Variants in UBAP2L observed in about 807,000 individuals in gnomAD.
UBAP2L encodes the protein ubiquitin associated protein 2 like, also known as ubiquitin-associated protein 2-like.
Under a neutral mutation model 130.6 loss-of-function variants are expected in UBAP2L, and 12 were observed. That is an observed-to-expected ratio of 0.09 (90% CI 0.06 to 0.15). The LOEUF (loss-of-function observed/expected upper bound fraction) is 0.15. Ranked by LOEUF, UBAP2L falls within the 10% of genes least tolerant of loss-of-function variation. The pLI is 1.00. For synonymous variants in UBAP2L, 503 were observed against 524.7 expected (o/e 0.96, Z 0.57); for missense variants, 965 against 1,332.5 (o/e 0.72, Z 4.29).
chr1:154,243,393 A>G (rs1437356368), intron 10 of UBAP2L, 91 bp downstream of exon 10: 46 of 1,080,598 alleles, frequency 4.3e-5, no homozygotes, highest in Non-Finnish European at 5.7e-5. Flanking sequence ...GTAAACTCCC[A>G]TGGTGTCAAT....
rs1377166607 is a variant in UBAP2L, at chr1:154,236,602, A to G, written c.581A>G (p.Gln194Arg). The G allele has an allele frequency of 6.2e-7, 1 of 1,614,078 alleles. No homozygotes were observed. Among genetic ancestry groups the G allele is most frequent in the Non-Finnish European group, 8.5e-7 (1 of 1,180,000 alleles). The stretch of plus-strand genomic sequence containing the variant: ...AGGCGAGGAGGAAGGTTTTCTGCTC[A>G]AGGAATGGGGTAAGTTTCATTGATC... ...SGRRGGRFSA[Q>R]GMGTFNPADY... The change falls in exon 7 of 27, where the codon CAA becomes CGA. Residue 194 changes from glutamine (Q) to arginine (R), a missense_variant. Gln to Arg is a conservative substitution (Grantham distance 43, BLOSUM62 1). Around this residue, in one of 9 missense-constraint regions of UBAP2L, gnomAD observed 109 missense variants for 146.6 expected, o/e 0.74. Transcript: ENST00000428931.
intron 26 of UBAP2L, chr1:154,269,239 A>G: frequency 9.8e-7 from 1 of 1,023,752 alleles, no homozygotes; most frequent in Non-Finnish European, 1.5e-6. Flanking sequence ...CCTGGGTCAC[A>G]CCTTCCCTCT....
chr1:154,233,513 C>CTAATATGCTAAGT (rs1558134594), intron 4 of UBAP2L, among the ~76,000 whole-genome samples: 1 of 151,282 alleles, frequency 6.6e-6, no homozygotes, highest in African/African-American at 2.5e-5. Flanking sequence ...TTAGTAGAGA[C>CTAATATGCTAAGT]GGGGTTTCAC....
At chr1:154,222,620 T>C (rs1338762392) in intron 1 of UBAP2L, among the ~76,000 whole-genome samples, 1 of 152,228 alleles carries the variant, frequency 6.6e-6, no homozygotes, top group Non-Finnish European at 1.5e-5. Context: ...GCAGGGGCCA[T>C]TTCAACAAAG....
intron 26 of UBAP2L, 89 bp from the exon 27 acceptor site, chr1:154,270,111 G>A: frequency 3.4e-6 from 5 of 1,466,776 alleles, no homozygotes; most frequent in Non-Finnish European, 4.6e-6. Flanking sequence ...GAGCAAGACA[G>A]TTTGCACATC....
chr1:154,269,456 A>G, intron 26 of UBAP2L: 1 of 1,297,028 alleles, frequency 7.7e-7, no homozygotes, highest in Non-Finnish European at 1.0e-6. Context: ...ACTCCTTTTC[A>G]GTCCCCATTT....
At chr1:154,263,173 T>G in intron 24 of UBAP2L, 1 of 1,551,540 alleles carries the variant, frequency 6.4e-7, no homozygotes, top group African/African-American at 1.4e-5. Context: ...GGCTGGGGGC[T>G]GTGTTTTGTG....
intron 24 of UBAP2L, 23 bp downstream of exon 24, chr1:154,261,720 T>G (rs1681593044): frequency 6.2e-7 from 1 of 1,608,704 alleles, no homozygotes; most frequent in South Asian, 1.1e-5. Flanking sequence ...TGTCTCTGGC[T>G]CGGTGTTATC....
intron 2 of UBAP2L, among the ~76,000 whole-genome samples, chr1:154,226,198 C>G (rs1667884564): frequency 6.6e-6 from 1 of 152,200 alleles, no homozygotes; most frequent in African/African-American, 2.4e-5. Context: ...TTTTATTTTC[C>G]TCTCTGGTTC....
At position 154,261,001 on chromosome 1, in the gene UBAP2L, A is replaced by G. The variant is rs1681372522; in HGVS notation, c.2688A>G (p.Thr896=). ...QTQTHHTTQQ[T]FLNPALPPGY... ...AGACTCACCATACCACGCAGCAGAC[A>G]TTCCTGAACCCGGCGCTGCCTCCTG... The change falls in exon 23 of 27, where the codon ACA becomes ACG. Residue 896 remains threonine, a synonymous_variant. Coordinates refer to ENST00000428931, the MANE Select transcript of UBAP2L (RefSeq NM_014847.4). 2 of 1,614,076 alleles carry G rather than the reference A, an allele frequency of 1.2e-6. No individual in the cohort carries two copies. The highest frequency in any genetic ancestry group is 1.1e-5 in the South Asian group (1 of 91,092).
upstream of UBAP2L, chr1:154,220,498 C>G: frequency 7.1e-7 from 1 of 1,417,878 alleles, no homozygotes; most frequent in Non-Finnish European, 1.0e-6. Context: ...CGCCTGGGTC[C>G]CCTGGAGCTC....
intron 24 of UBAP2L, among the ~76,000 whole-genome samples, 157 bp downstream of exon 24, chr1:154,261,854 G>T (rs1681654391): frequency 6.6e-6 from 1 of 152,168 alleles, no homozygotes; most frequent in Non-Finnish European, 1.5e-5. Context: ...GTATCTGTGG[G>T]AGCAGCACCA....
chr1:154,246,215 C>T lies in UBAP2L; in HGVS notation c.854C>T (p.Ala285Val). 6.2e-7 allele frequency: 1 copy of T among 1,609,666 alleles called. No individual in the cohort carries two copies. Among genetic ancestry groups the T allele is most frequent in the Non-Finnish European group, 8.5e-7 (1 of 1,176,874 alleles). Reference sequence around the variant, plus strand: ...CCCTTCCCCATTAGAATTGACCTTGCTGTTCTGCTGGGGAAGACACCATCT... The same window carrying T: ...CCCTTCCCCATTAGAATTGACCTTGTTGTTCTGCTGGGGAAGACACCATCT... ...TITAGQRIDL[A>V]VLLGKTPSTM... Residue 285 changes from alanine to valine, a missense_variant, in exon 11 of 27, where the codon GCT (alanine) becomes GTT (valine). Physicochemically the swap from Ala to Val is moderately conservative, Grantham distance 64. This residue lies in a region of UBAP2L where 99 missense variants were observed against 106.4 expected (regional missense o/e 0.93). Transcript: ENST00000428931.
At chr1:154,240,864 C>T (rs1673292358) in intron 8 of UBAP2L, among the ~76,000 whole-genome samples, 1 of 151,488 alleles carries the variant, frequency 6.6e-6, no homozygotes, top group African/African-American at 2.4e-5. Flanking sequence ...TGCCATTTCA[C>T]TGAATTGACC....
chr1:154,250,047 T>C (rs1245129996), intron 12 of UBAP2L, among the ~76,000 whole-genome samples: 1 of 152,128 alleles, frequency 6.6e-6, no homozygotes, highest in African/African-American at 2.4e-5. Context: ...CTTCACTTAA[T>C]GTCATTGATA....
chr1:154,253,473 C>T (rs577260160), intron 14 of UBAP2L, among the ~76,000 whole-genome samples: 1 of 150,788 alleles, frequency 6.6e-6, no homozygotes, highest in Admixed American at 6.6e-5. Flanking sequence ...CAAGCTGCGC[C>T]TCCCGGGTTC....
Position 154,255,149 on chromosome 1 carries a change from T to C in UBAP2L, c.1910-3T>C, listed in dbSNP as rs771555204. The C allele has an allele frequency of 5.0e-6, 8 of 1,613,770 alleles. No homozygotes were observed. The South Asian group carries it at 5.5e-5, about 11-fold the overall frequency. ...GAGGAATTCCTTTCTTCTAAATTTC[T>C]AGGTGCTACAGGCTCTGCAGTGAAA... On this transcript the variant is annotated splice_region_variant and splice_polypyrimidine_tract_variant and intron_variant, in intron 16 of 26. Coordinates refer to ENST00000428931, the MANE Select transcript of UBAP2L (RefSeq NM_014847.4).
At chr1:154,220,216 A>C, upstream of UBAP2L, 1 of 1,159,764 alleles carries the variant, frequency 8.6e-7, no homozygotes, top group South Asian at 1.3e-5. Context: ...TACTCCTGGA[A>C]TAAGGAGTCA....
At chr1:154,250,507 G>T (rs970497723) in intron 12 of UBAP2L, among the ~76,000 whole-genome samples, 4 of 152,142 alleles carry the variant, frequency 2.6e-5, no homozygotes, top group African/African-American at 9.7e-5. Context: ...GACAATTTGT[G>T]CATTCCTGTC....
Sources: allele counts gnomAD v4.1 joint callset (sites outside exome capture counted in the v4.1 genomes callset), GRCh38; gene constraint gnomAD v4.1.1; regional missense constraint gnomAD v4.1.1; transcripts MANE v1.5; gene names NCBI Gene and HGNC (gene_info 2026-07-23, HGNC 2026-07-21).